Variants in NAV2 observed in about 807,000 individuals in gnomAD.
The protein encoded by NAV2 is helicase, APC down-regulated 1.
Under a neutral mutation model 223.2 loss-of-function variants are expected in NAV2, and 54 were observed. The ratio of observed to expected loss-of-function variants is 0.24; its 90% CI spans 0.19 to 0.30. The LOEUF (loss-of-function observed/expected upper bound fraction) is 0.30. Ranked by LOEUF, NAV2 falls within the 10% of genes least tolerant of loss-of-function variation. The pLI is 1.00. For synonymous variants in NAV2, 1,279 were observed against 1,239.3 expected (o/e 1.03, Z -0.67); for missense variants, 2,806 against 3,147.5 (o/e 0.89, Z 2.60).
intron 1 of NAV2, among the ~76,000 whole-genome samples, chr11:19,377,245 A>G (rs1198198231): frequency 6.6e-6 from 1 of 152,222 alleles, no homozygotes; most frequent in African/African-American, 2.4e-5. Flanking sequence ...GTCAGGGAGC[A>G]TGGAAGGGTG....
chr11:19,659,077 G>A (rs2048204039), intron 1 of NAV2, among the ~76,000 whole-genome samples: 1 of 152,122 alleles, frequency 6.6e-6, no homozygotes, highest in African/African-American at 2.4e-5. Flanking sequence ...AGTCCAAGAG[G>A]GAAGATGGAT....
At chr11:19,644,098 C>T (rs1246836356) in intron 1 of NAV2, among the ~76,000 whole-genome samples, 1 of 97,622 alleles carries the variant, frequency 1.0e-5, no homozygotes, top group Non-Finnish European at 2.5e-5. Context: ...ACACACACAG[C>T]AGCCTTTCTG....
intron 1 of NAV2, among the ~76,000 whole-genome samples, chr11:19,357,441 T>C (rs1235585808): frequency 6.6e-6 from 1 of 152,232 alleles, no homozygotes; most frequent in East Asian, 1.9e-4. Flanking sequence ...ATGCTAATAA[T>C]AAAACTTTTG....
At chr11:19,823,079 G>A (rs1041905022) in intron 1 of NAV2, among the ~76,000 whole-genome samples, 3 of 152,116 alleles carry the variant, frequency 2.0e-5, no homozygotes, top group Admixed American at 1.3e-4. Flanking sequence ...ACAGGGTCTC[G>A]CTCTGTTACT....
At chr11:20,081,519 C>T (rs1423154669) in intron 25 of NAV2, among the ~76,000 whole-genome samples, 1 of 152,186 alleles carries the variant, frequency 6.6e-6, no homozygotes, top group Admixed American at 6.5e-5. Flanking sequence ...TCTGTCTGAT[C>T]TTTGTAATCT....
intron 1 of NAV2, among the ~76,000 whole-genome samples, chr11:19,548,753 C>G (rs972756335): frequency 2.0e-5 from 3 of 151,814 alleles, no homozygotes; most frequent in Admixed American, 6.6e-5. Flanking sequence ...TGGCAGGTGC[C>G]TGTAGTCCCA....
chr11:19,978,561 TAG>T (rs1473471265), intron 10 of NAV2: 2 of 151,906 alleles, frequency 1.3e-5, no homozygotes, highest in Admixed American at 6.6e-5. Flanking sequence ...GTCCAAAAAA[TAG>T]AGACAGGCTG....
intron 11 of NAV2, among the ~76,000 whole-genome samples, chr11:20,024,893 G>C (rs1298905273): frequency 1.3e-5 from 2 of 152,170 alleles, no homozygotes; most frequent in Non-Finnish European, 2.9e-5. Flanking sequence ...TCTGGGATTT[G>C]TCCCCCATCC....
intron 10 of NAV2, among the ~76,000 whole-genome samples, chr11:19,969,807 G>A (rs111359253): frequency 0.023 from 3,554 of 151,836 alleles, 39 homozygotes; most frequent in East Asian, 0.041. Flanking sequence ...TTAGCCAGGC[G>A]TGGTGGCAGG....
intron 3 of NAV2, among the ~76,000 whole-genome samples, chr11:19,843,871 T>C (rs2060639408): frequency 6.6e-6 from 1 of 151,052 alleles, no homozygotes; most frequent in South Asian, 2.1e-4. Flanking sequence ...TTGGCATTCC[T>C]TGGGCTTACT....
At chr11:19,398,397 A>G (rs1311476746) in intron 1 of NAV2, among the ~76,000 whole-genome samples, 1 of 152,084 alleles carries the variant, frequency 6.6e-6, no homozygotes, top group Admixed American at 6.5e-5. Flanking sequence ...CCCACCTCCA[A>G]TACTGGGGAT....
chr11:19,875,081 C>T (rs1200460834), intron 4 of NAV2, among the ~76,000 whole-genome samples: 2 of 152,130 alleles, frequency 1.3e-5, no homozygotes, highest in Non-Finnish European at 2.9e-5. Flanking sequence ...CACTTGAATC[C>T]AGGAGGCAGA....
chr11:19,850,382 C>T (rs2061046534), intron 3 of NAV2, among the ~76,000 whole-genome samples: 1 of 152,136 alleles, frequency 6.6e-6, no homozygotes, highest in Non-Finnish European at 1.5e-5. Flanking sequence ...AAGCGTCTGT[C>T]ATTTTGGTGA....
intron 11 of NAV2, among the ~76,000 whole-genome samples, chr11:20,020,919 G>A (rs1165298797): frequency 1.3e-5 from 2 of 152,006 alleles, no homozygotes; most frequent in African/African-American, 2.4e-5. Flanking sequence ...ACTCATTCTT[G>A]GAATGCATTG....
At chr11:19,702,611 T>C (rs1033375046) in intron 1 of NAV2, among the ~76,000 whole-genome samples, 3 of 152,052 alleles carry the variant, frequency 2.0e-5, no homozygotes, top group South Asian at 2.1e-4. Flanking sequence ...GAACCCTGTC[T>C]CTATGAAAAA....
At chr11:19,515,517 A>G (rs2043419137) in intron 1 of NAV2, among the ~76,000 whole-genome samples, 1 of 152,238 alleles carries the variant, frequency 6.6e-6, no homozygotes, top group African/African-American at 2.4e-5. Context: ...TTTCAGAACC[A>G]GAGAGCATTT....
At chr11:19,345,368 C>T in the NAV2 span, among the ~76,000 whole-genome samples, 1 of 152,154 alleles carries the variant, frequency 6.6e-6, no homozygotes, top group South Asian at 2.1e-4. The surrounding 1 kb of genome is among the most constrained non-coding windows in gnomAD (Gnocchi z 5.2). Flanking sequence ...TGCCCGGCGG[C>T]GGGACCGGCC....
In NAV2 at chr11:19,998,978, C is replaced by T. The variant is rs1403735293; in HGVS notation, c.2768+14731C>T. On this transcript the variant is annotated intron_variant, in intron 11 of 37. Coordinates refer to ENST00000349880, the MANE Select transcript of NAV2 (RefSeq NM_145117.5). This position sits in a 1 kb window ranked among gnomAD's most constrained non-coding sequence, Gnocchi z 5.0. ...CCGTTTGCAGGTGAATCCCCTCTCC[C>T]AGCACAGGGCCCGTCCAGAGAGGGT... 1.3e-5 allele frequency among the ~76,000 whole-genome samples: 2 copies of T among 152,240 alleles called. No individual in the cohort carries two copies.
At chr11:19,900,945 T>C (rs1591148716) in intron 6 of NAV2, among the ~76,000 whole-genome samples, 1 of 152,228 alleles carries the variant, frequency 6.6e-6, no homozygotes, top group South Asian at 2.1e-4. Context: ...GATTTATCTT[T>C]GAAGTGGCAA....
Sources: gnomAD v4.1 joint callset for allele counts (sites outside exome capture counted in the v4.1 genomes callset) on GRCh38, gnomAD v4.1.1 for gene constraint, Gnocchi (gnomAD v3.1) non-coding constraint, MANE v1.5 for transcripts, NCBI Gene and HGNC (gene_info 2026-07-23, HGNC 2026-07-21) for gene names.